The following UBR2 variants were observed in gnomAD, a reference collection of about 807,000 sequenced individuals.
The protein encoded by UBR2 is ubiquitin protein ligase E3 component n-recognin 2.
Under a neutral mutation model 247.9 loss-of-function variants are expected in UBR2, and 92 were observed. That is an observed-to-expected ratio of 0.37 (90% CI 0.31 to 0.44). The LOEUF (loss-of-function observed/expected upper bound fraction) is 0.44. Ranked by LOEUF, UBR2 falls within the 20% of genes least tolerant of loss-of-function variation. The pLI is 1.00. For missense variants in UBR2, 1,613 were observed against 2,112.6 expected (o/e 0.76, Z 4.64); for synonymous variants, 672 against 693.5 (o/e 0.97, Z 0.49).
At chr6:42,619,453 A>AATTTTTTTTTTT (rs1554251971) in intron 11 of UBR2, 2 of 23,716 alleles carry the variant, frequency 8.4e-5, no homozygotes, top group African/African-American at 2.5e-4. Context: ...ATATATATAT[A>AATTTTTTTTTTT]TTTTTTTTTT....
chr6:42,595,548 C>A (rs1414682796), intron 4 of UBR2, among the ~76,000 whole-genome samples: 1 of 151,988 alleles, frequency 6.6e-6, no homozygotes, highest in Admixed American at 6.6e-5. Flanking sequence ...GAGTTTGAGA[C>A]CAGCCTGGGC....
chr6:42,632,936 C>CT (rs368420871), intron 13 of UBR2, 32 bp downstream of exon 13: 50,887 of 864,968 alleles, frequency 0.059, 3 homozygotes, highest in East Asian at 0.081. Context: ...TTTCTTTTTC[C>CT]TTTTTTTTTT....
chr6:42,634,877 T>C (rs911704483), intron 13 of UBR2, among the ~76,000 whole-genome samples: 4 of 152,252 alleles, frequency 2.6e-5, no homozygotes, highest in Non-Finnish European at 4.4e-5. Context: ...ACTTGAAGTA[T>C]TCTGTATTCT....
chr6:42,669,480 C>G (rs1798310313), intron 34 of UBR2, among the ~76,000 whole-genome samples: 1 of 152,110 alleles, frequency 6.6e-6, no homozygotes, highest in African/African-American at 2.4e-5. Context: ...GAACTGATAA[C>G]CTAATTTTCT....
At chr6:42,615,231 G>A in intron 9 of UBR2, 53 bp downstream of exon 9, 2 of 1,359,130 alleles carry the variant, frequency 1.5e-6, no homozygotes, top group East Asian at 2.4e-5. Context: ...AAGTAATTGG[G>A]ATGTGAAAGG....
At chr6:42,642,065 G>A in intron 17 of UBR2, among the ~76,000 whole-genome samples, 1 of 152,156 alleles carries the variant, frequency 6.6e-6, no homozygotes, top group East Asian at 1.9e-4. Flanking sequence ...GGCTTGGAAT[G>A]AATTTTTTTT....
At chr6:42,652,671 A>G in intron 25 of UBR2, 26 bp downstream of exon 25, 1 of 1,583,002 alleles carries the variant, frequency 6.3e-7, no homozygotes, top group Non-Finnish European at 8.6e-7. Context: ...TTTATTATTT[A>G]TATTTTAGTA....
intron 13 of UBR2, among the ~76,000 whole-genome samples, chr6:42,633,149 C>T (rs1382631406): frequency 6.7e-6 from 1 of 148,206 alleles, no homozygotes; most frequent in Non-Finnish European, 1.5e-5. Context: ...AGGCACGGGC[C>T]CAGGCCCAGC....
chr6:42,632,994 T>A, intron 13 of UBR2, 90 bp downstream of exon 13: 1 of 890,538 alleles, frequency 1.1e-6, no homozygotes, highest in Non-Finnish European at 1.6e-6. Context: ...TTTTTCTTTT[T>A]AAGAGATGGG....
intron 36 of UBR2, among the ~76,000 whole-genome samples, chr6:42,673,388 C>T (rs1798551892): frequency 1.3e-5 from 2 of 152,132 alleles, no homozygotes; most frequent in Admixed American, 1.3e-4. Context: ...GTGGTGTGAT[C>T]TCAGCTCACT....
At chr6:42,611,914 G>GAAAAAAAAAAAAAAAAAAAAA (rs35743763) in intron 7 of UBR2, among the ~76,000 whole-genome samples, 1 of 119,466 alleles carries the variant, frequency 8.4e-6, no homozygotes. Flanking sequence ...CTCAAAAAAA[G>GAAAAAAAAAAAAAAAAAAAAA]AAAAAAAAAA....
chr6:42,632,899 A>G lies in UBR2; in HGVS notation c.1540A>G (p.Met514Val), dbSNP rs758948458. Residue 514 changes from methionine to valine, a missense_variant, in exon 13 of 47, where the codon ATG (methionine) becomes GTG (valine). Met to Val is a conservative substitution (Grantham distance 21). This residue lies in a region of UBR2 where 1,524 missense variants were observed against 1,967.3 expected (regional missense o/e 0.77). Transcript: ENST00000372901. Reference protein sequence around the residue: ...FDAFLELLKCMQGMDPITRQV... With the variant: ...FDAFLELLKCVQGMDPITRQV... ...TGCCTTTTTGGAATTACTAAAATGT[A>G]TGCAGGTATGTAAAAACTGTTACAC... 1.3e-6 allele frequency: 2 copies of G among 1,539,228 alleles called. No homozygotes were observed. Among genetic ancestry groups the G allele is most frequent in the South Asian group, 1.2e-5 (1 of 80,648 alleles).
chr6:42,644,263 G>A lies in UBR2; in HGVS notation c.2147G>A (p.Ser716Asn). The change falls in exon 19 of 47, where the codon AGC (serine) becomes AAC (asparagine). Residue 716 changes from serine to asparagine, a missense_variant. Physicochemically the swap from Ser to Asn is conservative, Grantham distance 46. Around this residue, in one of 3 missense-constraint regions of UBR2, gnomAD observed 1,524 missense variants for 1,967.3 expected, o/e 0.77. Transcript: ENST00000372901. The part of the protein sequence containing the change: ...DPNHFLMIML[S>N]RFELYQIFST... ...AATCATTTCCTGATGATCATGCTCAGCCGCTTTGAACTTTATCAGATTTTC... is the reference window on the plus strand; with the variant it reads ...AATCATTTCCTGATGATCATGCTCAACCGCTTTGAACTTTATCAGATTTTC... 2.5e-6 allele frequency: 4 copies of A among 1,612,308 alleles called. No homozygotes were observed. The highest frequency in any genetic ancestry group is 3.4e-6 in the Non-Finnish European group (4 of 1,179,702).
At chr6:42,674,039 G>A in intron 37 of UBR2, 87 bp from the exon 38 acceptor site, 2 of 1,419,810 alleles carry the variant, frequency 1.4e-6, no homozygotes, top group South Asian at 1.3e-5. Flanking sequence ...CATGTGTCTT[G>A]CAAGAAGATA....
intron 43 of UBR2, among the ~76,000 whole-genome samples, chr6:42,683,958 A>T (rs1456345688): frequency 6.6e-6 from 1 of 152,222 alleles, no homozygotes. Context: ...TAAAAGTCAG[A>T]AGACTAGAGA....
chr6:42,637,095 A>G lies in UBR2; in HGVS notation c.1759A>G (p.Ile587Val), dbSNP rs1381945817. ...TGGTTATACTGATGGTGAACAGCCA[A>G]TCACACTAAGCATTTGTGGACATTC... Reference protein sequence around the residue: ...HGGYTDGEQPITLSICGHSVE... With the variant: ...HGGYTDGEQPVTLSICGHSVE... The change falls in exon 15 of 47, where the codon ATC becomes GTC. Residue 587 changes from isoleucine (I) to valine (V), a missense_variant. By Grantham distance (29) the Ile-to-Val change is conservative. Around this residue, in one of 3 missense-constraint regions of UBR2, gnomAD observed 1,524 missense variants for 1,967.3 expected, o/e 0.77. Transcript: ENST00000372901. 1.9e-6 allele frequency: 3 copies of G among 1,614,184 alleles called. No homozygotes were observed. The highest frequency in any genetic ancestry group is 2.2e-5 in the South Asian group (2 of 91,082).
chr6:42,635,860 A>C (rs898635947), intron 14 of UBR2, among the ~76,000 whole-genome samples: 3 of 152,198 alleles, frequency 2.0e-5, no homozygotes, highest in Non-Finnish European at 4.4e-5. Flanking sequence ...TTCAAAAATA[A>C]AGTTTTATTA....
chr6:42,602,652 C>G (rs542764495), intron 4 of UBR2, among the ~76,000 whole-genome samples: 1 of 147,688 alleles, frequency 6.8e-6, no homozygotes, highest in Non-Finnish European at 1.5e-5. Context: ...TTAATATATA[C>G]AAATATATTT....
At position 42,666,350 on chromosome 6, in the gene UBR2, A is replaced by G. The variant is rs1207560716; in HGVS notation, c.3881+105A>G. 1.8e-5 allele frequency: 16 copies of G among 888,598 alleles called. No homozygotes were observed. The East Asian group carries it at 2.6e-4, about 14-fold the overall frequency. 55.0% of individuals were successfully genotyped at this position (888,598 alleles called of 1,614,324 possible). A position where few individuals can be genotyped will look rare whatever the true frequency, so the allele number is the denominator to read the frequency against. ...TTGGCAAGTGAGGGAGCAAAATGTT[A>G]TAGGATACTGATCTTTAGTTGTAAG... is the stretch of plus-strand genomic sequence containing the variant. On this transcript the variant is annotated intron_variant, in intron 34 of 46. Coordinates refer to ENST00000372901, the MANE Select transcript of UBR2 (RefSeq NM_001363705.2).
Sources: allele counts gnomAD v4.1 joint callset (sites outside exome capture counted in the v4.1 genomes callset), GRCh38; gene constraint gnomAD v4.1.1; regional missense constraint gnomAD v4.1.1; transcripts MANE v1.5; gene names NCBI Gene and HGNC (gene_info 2026-07-23, HGNC 2026-07-21).